NEDD9: variants seen among roughly 807,000 people sequenced by gnomAD.
NEDD9 encodes the protein enhancer of filamentation 1.
A neutral mutation model predicts 76.6 loss-of-function variants in NEDD9; 26 were observed. The observed-to-expected ratio is 0.34, with a 90% CI of 0.25 to 0.47. The LOEUF (loss-of-function observed/expected upper bound fraction) is 0.47, where lower values mean the gene tolerates loss of function less well. Ranked by LOEUF, NEDD9 falls within the 20% of genes least tolerant of loss-of-function variation. The pLI is 1.00. For synonymous variants in NEDD9, 392 were observed against 414.2 expected (o/e 0.95, Z 0.65); for missense variants, 937 against 1,058.5 (o/e 0.89, Z 1.59).
chr6:11,318,158 A>G (rs1027615635), intron 2 of NEDD9, among the ~76,000 whole-genome samples: 8 of 152,294 alleles, frequency 5.3e-5, no homozygotes, highest in Non-Finnish European at 1.0e-4. Flanking sequence ...CGCAGACAGG[A>G]ACCACACCAT....
intron 1 of NEDD9, among the ~76,000 whole-genome samples, chr6:11,369,071 GTGGGTGGTACAGGT>G (rs1762815310): frequency 6.6e-6 from 1 of 152,222 alleles, no homozygotes; most frequent in Admixed American, 6.5e-5. Context: ...CACATGGCAG[GTGGGTGGTACAGGT>G]TGGATTTGAA....
intron 1 of NEDD9, among the ~76,000 whole-genome samples, chr6:11,345,090 G>A (rs1762340787): frequency 6.6e-6 from 1 of 152,134 alleles, no homozygotes; most frequent in Non-Finnish European, 1.5e-5. Flanking sequence ...TGGAGAAGAG[G>A]GCTTAGAAAG....
chr6:11,190,708 G>A lies in NEDD9; in HGVS notation c.1161C>T (p.Ser387=). The change falls in exon 5 of 7, where the codon TCC becomes TCT. Residue 387 remains serine, a synonymous_variant. Transcript: ENST00000379446. This position sits in a 1 kb window ranked among gnomAD's most constrained non-coding sequence, Gnocchi z 5.8. The part of the protein sequence containing the change: ...RSNMSTSSTS[S]KESSLSASPA... ...GGGAGGCTGACAGTGAGGACTCCTTGGAGGAGGTGGAAGACGTGGACATGT... is the reference window on the plus strand; with the variant it reads ...GGGAGGCTGACAGTGAGGACTCCTTAGAGGAGGTGGAAGACGTGGACATGT... The A allele has an allele frequency of 6.2e-7, 1 of 1,614,142 alleles. No homozygotes were observed. The highest frequency in any genetic ancestry group is 1.6e-4 in the Middle Eastern group (1 of 6,062).
At chr6:11,282,035 G>A (rs1027247923) in intron 3 of NEDD9, among the ~76,000 whole-genome samples, 3 of 152,114 alleles carry the variant, frequency 2.0e-5, no homozygotes, top group Non-Finnish European at 4.4e-5. Context: ...CACTGTGCCC[G>A]GCCCTCAGAA....
At chr6:11,194,812 ATACT>A (rs879537963) in intron 2 of NEDD9, among the ~76,000 whole-genome samples, 7 of 152,366 alleles carry the variant, frequency 4.6e-5, no homozygotes, top group Non-Finnish European at 7.3e-5. Flanking sequence ...TCATATCTAC[ATACT>A]TCATTGGTGT....
intron 2 of NEDD9, among the ~76,000 whole-genome samples, chr6:11,210,787 G>GAGAGAGAGAC: frequency 6.6e-6 from 1 of 151,502 alleles, no homozygotes; most frequent in Admixed American, 6.6e-5. Flanking sequence ...GAGAGAGAGA[G>GAGAGAGAGAC]AGAGATAGAA....
At chr6:11,217,031 A>G (rs114970457) in intron 1 of NEDD9, among the ~76,000 whole-genome samples, 2,406 of 152,366 alleles carry the variant, frequency 0.016, 28 homozygotes, top group Non-Finnish European at 0.026. Context: ...CATATTAATA[A>G]TGATACTACT....
At chr6:11,271,901 T>C (rs1760315243) in intron 3 of NEDD9, 1 of 152,226 alleles carries the variant, frequency 6.6e-6, no homozygotes, top group South Asian at 2.1e-4. Flanking sequence ...AGAGCTGCAT[T>C]TGGGCCCCTG....
At chr6:11,273,381 GT>G (rs1760352821) in intron 3 of NEDD9, among the ~76,000 whole-genome samples, 1 of 152,210 alleles carries the variant, frequency 6.6e-6, no homozygotes, top group Admixed American at 6.5e-5. Context: ...TGAACAATTT[GT>G]TTGTAAATGA....
At chr6:11,379,993 C>T (rs556003868) in intron 1 of NEDD9, among the ~76,000 whole-genome samples, 7 of 152,284 alleles carry the variant, frequency 4.6e-5, no homozygotes, top group African/African-American at 7.2e-5. Flanking sequence ...TGCAGTAGGA[C>T]GCATCTTCGT....
At chr6:11,261,628 T>G (rs1760118157) in intron 3 of NEDD9, among the ~76,000 whole-genome samples, 1 of 152,170 alleles carries the variant, frequency 6.6e-6, no homozygotes, top group Admixed American at 6.5e-5. Context: ...CTATACCAAG[T>G]TTATGCTTTT....
At chr6:11,296,001 A>G (rs534784413) in intron 3 of NEDD9, among the ~76,000 whole-genome samples, 1 of 152,170 alleles carries the variant, frequency 6.6e-6, no homozygotes, top group African/African-American at 2.4e-5. Flanking sequence ...TCTTCACAGA[A>G]GTAATTAAGT....
At chr6:11,273,128 G>A (rs572338623) in intron 3 of NEDD9, among the ~76,000 whole-genome samples, 6 of 152,272 alleles carry the variant, frequency 3.9e-5, no homozygotes, top group African/African-American at 1.2e-4. Flanking sequence ...TTGCTTAACC[G>A]TTGCCCAGTT....
At chr6:11,202,424 T>C (rs1758478341) in intron 2 of NEDD9, among the ~76,000 whole-genome samples, 1 of 152,216 alleles carries the variant, frequency 6.6e-6, no homozygotes, top group Non-Finnish European at 1.5e-5. Context: ...AACTATTTGA[T>C]CCCTTCCCTT....
chr6:11,215,501 C>G (rs925161314), intron 1 of NEDD9, among the ~76,000 whole-genome samples: 1 of 152,162 alleles, frequency 6.6e-6, no homozygotes, highest in African/African-American at 2.4e-5. Context: ...TGTCATAATC[C>G]TAAAATTGTC....
intron 2 of NEDD9, among the ~76,000 whole-genome samples, chr6:11,315,609 T>C (rs1428784638): frequency 6.6e-6 from 1 of 152,162 alleles, no homozygotes; most frequent in African/African-American, 2.4e-5. Flanking sequence ...ATTTAACCAG[T>C]TTAAATGTTG....
chr6:11,378,401 G>A (rs1339875154), intron 1 of NEDD9, among the ~76,000 whole-genome samples: 1 of 152,102 alleles, frequency 6.6e-6, no homozygotes, highest in Non-Finnish European at 1.5e-5. Flanking sequence ...TTCCTATACA[G>A]CCTGCAGAAC....
intron 2 of NEDD9, 46 bp from the exon 3 acceptor site, chr6:11,193,738 C>T (rs1236524696): frequency 7.7e-7 from 1 of 1,299,132 alleles, no homozygotes; most frequent in African/African-American, 1.5e-5. Context: ...AGCCTGAGTC[C>T]TTGAATCTCC....
At chr6:11,229,929 A>G (rs1465004088) in intron 1 of NEDD9, among the ~76,000 whole-genome samples, 1 of 152,208 alleles carries the variant, frequency 6.6e-6, no homozygotes, top group Non-Finnish European at 1.5e-5. Context: ...CGTAGTTGTG[A>G]TCCCTGGGGC....
Sources: allele counts gnomAD v4.1 joint callset (sites outside exome capture counted in the v4.1 genomes callset), GRCh38; gene constraint gnomAD v4.1.1; non-coding constraint Gnocchi (gnomAD v3.1); transcripts MANE v1.5; gene names NCBI Gene and HGNC (gene_info 2026-07-23, HGNC 2026-07-21).